CTNND2: variants seen among roughly 807,000 people sequenced by gnomAD.
CTNND2 encodes the protein catenin delta 2.
Under a neutral mutation model 144.4 loss-of-function variants are expected in CTNND2, and 22 were observed. The observed-to-expected ratio is 0.15, with a 90% confidence interval of 0.11 to 0.22. The LOEUF is 0.22. CTNND2 is among the 10% of genes least tolerant of loss of function. The pLI, the probability that CTNND2 is intolerant of heterozygous loss-of-function variation, is 1.00. For synonymous variants in CTNND2, 751 were observed against 695.6 expected (o/e 1.08, Z -1.25); for missense variants, 1,353 against 1,618.8 (o/e 0.84, Z 2.82).
chr5:11,296,011 C>A (rs1424662964), intron 9 of CTNND2, among the ~76,000 whole-genome samples: 1 of 150,430 alleles, frequency 6.6e-6, no homozygotes, highest in Admixed American at 6.6e-5. Context: ...AGAGCTTCTG[C>A]ACAGCAAAAG....
At chr5:11,071,706 T>G (rs1303255298) in intron 16 of CTNND2, among the ~76,000 whole-genome samples, 2 of 151,360 alleles carry the variant, frequency 1.3e-5, no homozygotes, top group Non-Finnish European at 2.9e-5. Flanking sequence ...GCAGACTGGG[T>G]AAGAAGGGGC....
At chr5:11,026,074 T>C (rs1199253499) in intron 16 of CTNND2, among the ~76,000 whole-genome samples, 1 of 152,134 alleles carries the variant, frequency 6.6e-6, no homozygotes, top group Non-Finnish European at 1.5e-5. Context: ...GTAGGGTTCT[T>C]TTAGGACTGG....
At chr5:11,893,189 T>C (rs931079632) in intron 1 of CTNND2, among the ~76,000 whole-genome samples, 1 of 152,192 alleles carries the variant, frequency 6.6e-6, no homozygotes. Flanking sequence ...TAAATCCTAG[T>C]AGCAATTAAT....
intron 3 of CTNND2, among the ~76,000 whole-genome samples, chr5:11,560,178 C>A (rs1776573178): frequency 6.6e-6 from 1 of 152,182 alleles, no homozygotes; most frequent in Non-Finnish European, 1.5e-5. Flanking sequence ...AGGAAAAACT[C>A]AGGAACTGCT....
intron 20 of CTNND2, among the ~76,000 whole-genome samples, chr5:10,982,068 A>G (rs892430325): frequency 2.6e-5 from 4 of 152,194 alleles, no homozygotes; most frequent in Non-Finnish European, 4.4e-5. Flanking sequence ...GCCGCTTGCA[A>G]TAATGTTCAC....
intron 2 of CTNND2, among the ~76,000 whole-genome samples, chr5:11,693,819 G>A (rs1785017634): frequency 6.6e-6 from 1 of 152,242 alleles, no homozygotes. Context: ...CACTGAATTA[G>A]AGAATACTGA....
At chr5:11,703,091 G>A (rs963672751) in intron 2 of CTNND2, among the ~76,000 whole-genome samples, 1 of 152,162 alleles carries the variant, frequency 6.6e-6, no homozygotes, top group African/African-American at 2.4e-5. Context: ...TGGGCTGGCT[G>A]GGGTTAAGAG....
chr5:11,100,062 T>C (rs140304719), intron 14 of CTNND2, among the ~76,000 whole-genome samples: 12 of 152,256 alleles, frequency 7.9e-5, no homozygotes, highest in African/African-American at 2.9e-4. Flanking sequence ...ATTCTGAAAG[T>C]TTTACTGCAA....
intron 3 of CTNND2, among the ~76,000 whole-genome samples, chr5:11,413,640 C>A (rs925004354): frequency 6.6e-6 from 1 of 152,166 alleles, no homozygotes; most frequent in Non-Finnish European, 1.5e-5. Flanking sequence ...TAGAGACCTA[C>A]AAGATGAAAA....
rs147282227 is a variant in CTNND2 at position 11,059,072 on chromosome 5, A to C, written c.2788+23624T>G. 3.3e-3 allele frequency among the ~76,000 whole-genome samples: 504 copies of C among 152,248 alleles called. 3 individuals are homozygous for C. The highest frequency in any genetic ancestry group is 0.011 in the African/African-American group (470 of 41,550). On this transcript the variant is annotated intron_variant, in intron 16 of 21. Coordinates refer to ENST00000304623, the MANE Select transcript of CTNND2 (RefSeq NM_001332.4). ...AGGGACTTGCCTTGTCTCAGATGAG[A>C]CTTTGGACTGTGGACTTTTGAGTTA...
intron 10 of CTNND2, among the ~76,000 whole-genome samples, chr5:11,233,716 C>G (rs968504466): frequency 7.4e-5 from 11 of 148,234 alleles, no homozygotes; most frequent in South Asian, 4.3e-4. Context: ...GTTTACGTGT[C>G]TGTGTGTGTG....
chr5:11,544,954 T>C (rs1775086774), intron 3 of CTNND2, among the ~76,000 whole-genome samples: 1 of 151,410 alleles, frequency 6.6e-6, no homozygotes, highest in Non-Finnish European at 1.5e-5. Flanking sequence ...CCATCCCTAC[T>C]AAAAAAGTTA....
chr5:10,990,629 A>G (rs544349387), intron 19 of CTNND2, among the ~76,000 whole-genome samples: 64 of 152,220 alleles, frequency 4.2e-4, no homozygotes, highest in Non-Finnish European at 7.1e-4. Context: ...TTAGAATCCA[A>G]TATTGCCCAG....
intron 9 of CTNND2, among the ~76,000 whole-genome samples, chr5:11,325,142 G>A (rs1170490166): frequency 2.0e-5 from 3 of 152,034 alleles, no homozygotes; most frequent in African/African-American, 7.2e-5. Flanking sequence ...TCCTTTGCAG[G>A]CTTACGAAAG....
At chr5:11,761,291 A>T (rs939648175) in intron 1 of CTNND2, among the ~76,000 whole-genome samples, 4 of 152,132 alleles carry the variant, frequency 2.6e-5, no homozygotes, top group African/African-American at 9.7e-5. Context: ...AGAATAACAA[A>T]TCTACACATC....
chr5:11,895,347 A>G (rs929885812), intron 1 of CTNND2, among the ~76,000 whole-genome samples: 2 of 152,228 alleles, frequency 1.3e-5, no homozygotes, highest in African/African-American at 2.4e-5. Context: ...AATAGTGAAT[A>G]TACCACATAC....
At chr5:11,213,097 AAC>A (rs1738805279) in intron 10 of CTNND2, among the ~76,000 whole-genome samples, 1 of 152,180 alleles carries the variant, frequency 6.6e-6, no homozygotes, top group Non-Finnish European at 1.5e-5. Context: ...TTTATAGCAT[AAC>A]ACACACAGGG....
At chr5:11,579,780 C>T (rs564332899) in intron 2 of CTNND2, among the ~76,000 whole-genome samples, 9 of 152,272 alleles carry the variant, frequency 5.9e-5, no homozygotes, top group Non-Finnish European at 1.3e-4. Context: ...ACCAAATTAT[C>T]TTTGTGTCCC....
At chr5:11,262,113 C>T (rs763076266) in intron 9 of CTNND2, among the ~76,000 whole-genome samples, 1 of 152,098 alleles carries the variant, frequency 6.6e-6, no homozygotes, top group Non-Finnish European at 1.5e-5. Context: ...CGTTACCAAT[C>T]GAGACGTAAG....
Sources: allele counts gnomAD v4.1 joint callset (sites outside exome capture counted in the v4.1 genomes callset), GRCh38; gene constraint gnomAD v4.1.1; transcripts MANE v1.5; gene names NCBI Gene and HGNC (gene_info 2026-07-23, HGNC 2026-07-21).